Variants in SRPRB observed in about 807,000 individuals in gnomAD.
SRPRB encodes the protein signal recognition particle receptor subunit beta.
A neutral mutation model predicts 31.9 loss-of-function variants in SRPRB; 20 were observed. That is an observed-to-expected ratio of 0.63 (90% CI 0.44 to 0.91). SRPRB has a LOEUF of 0.91. Among genes scored for constraint, SRPRB ranks in the 40% least tolerant of loss-of-function variants. The pLI, the probability that SRPRB is intolerant of heterozygous loss-of-function variation, is 0.00. For synonymous variants in SRPRB, 146 were observed against 132.8 expected, an observed-to-expected ratio of 1.10 and a Z score of -0.68; for missense variants, 321 against 324.9, an observed-to-expected ratio of 0.99 and a Z score of 0.09.
At chr3:133,818,785 A>AGTGTGTGTGTGTGTGTGT (rs146467727) in intron 6 of SRPRB, among the ~76,000 whole-genome samples, 10 of 144,208 alleles carry the variant, frequency 6.9e-5, no homozygotes, top group South Asian at 4.6e-4. Context: ...ATACTTTTAC[A>AGTGTGTGTGTGTGTGTGT]GTGTGTGTGT....
chr3:133,805,951 C>G lies in SRPRB; in HGVS notation c.103C>G (p.Pro35Ala), dbSNP rs372155106. 14 of 1,613,728 alleles carry G rather than the reference C, an allele frequency of 8.7e-6. No homozygotes were observed. Among genetic ancestry groups the G allele is most frequent in the Non-Finnish European group, 1.2e-5 (14 of 1,179,828 alleles). Residue 35 changes from proline to alanine, a missense_variant, in exon 1 of 7, where the codon CCA becomes GCA. By Grantham distance (27) the Pro-to-Ala change is conservative. Coordinates refer to ENST00000678299, the MANE Select transcript of SRPRB (RefSeq NM_001379313.1). ...TLRQELQQTD[P>A]TLLSVVVAVL... ...GCGGCAGGAGCTGCAGCAGACGGACCCAACGCTGTTGTCAGTAGTGGTGGC... is the reference window on the plus strand; with the variant it reads ...GCGGCAGGAGCTGCAGCAGACGGACGCAACGCTGTTGTCAGTAGTGGTGGC...
chr3:133,812,313 A>G (rs917990261), intron 4 of SRPRB, among the ~76,000 whole-genome samples: 6 of 152,226 alleles, frequency 3.9e-5, no homozygotes, highest in Non-Finnish European at 7.3e-5. Flanking sequence ...GTGATGAACA[A>G]TTTGTCACAG....
chr3:133,806,565 T>G, intron 1 of SRPRB, 44 bp from the exon 2 acceptor site: 1 of 1,520,258 alleles, frequency 6.6e-7, no homozygotes, highest in Admixed American at 1.7e-5. Flanking sequence ...ATATACTGAT[T>G]CCCAAGGCGT....
Position 133,819,585 on chromosome 3 carries a change from C to T in SRPRB, c.635C>T (p.Pro212Leu), listed in dbSNP as rs1233768435. 1 of 1,614,082 alleles carries T rather than the reference C, an allele frequency of 6.2e-7. No individual in the cohort carries two copies. Among genetic ancestry groups the T allele is most frequent in the African/African-American group, 1.3e-5 (1 of 74,936 alleles). ...TTACGAGTTACCCGTTCTGCTGCCCCCAGCACACTGGACAGTTCCAGCACT... is the reference window on the plus strand; with the variant it reads ...TTACGAGTTACCCGTTCTGCTGCCCTCAGCACACTGGACAGTTCCAGCACT... The part of the protein sequence containing the change: ...NTLRVTRSAA[P>L]STLDSSSTAP... The change falls in exon 7 of 7, where the codon CCC becomes CTC. Residue 212 changes from proline (P) to leucine (L), a missense_variant. By Grantham distance (98) the Pro-to-Leu change is moderately conservative. Coordinates refer to ENST00000678299, the MANE Select transcript of SRPRB (RefSeq NM_001379313.1).
chr3:133,810,987 T>TAGA, intron 3 of SRPRB, 130 bp from the exon 4 acceptor site: 1 of 851,494 alleles, frequency 1.2e-6, no homozygotes, highest in Non-Finnish European at 1.8e-6. Context: ...GTTTTATGAG[T>TAGA]AGAAGATGCT....
In SRPRB at chr3:133,820,146, G is replaced by C; in HGVS notation, c.*380G>C. The C allele has an allele frequency of 5.0e-6, 1 of 199,310 alleles. No individual in the cohort carries two copies. The highest frequency in any genetic ancestry group is 1.0e-5 in the Non-Finnish European group (1 of 95,536). 12.3% of individuals were successfully genotyped at this position (199,310 alleles called of 1,614,324 possible). ...GCTTTTGGTCCCTGGAAACAAATCCGCCTATGTATGAAGCTAGTTGATTTC... is the reference window on the plus strand; with the variant it reads ...GCTTTTGGTCCCTGGAAACAAATCCCCCTATGTATGAAGCTAGTTGATTTC... On this transcript the variant is annotated 3_prime_UTR_variant, in exon 7 of 7. Coordinates refer to ENST00000678299, the MANE Select transcript of SRPRB (RefSeq NM_001379313.1).
At chr3:133,803,785 T>C (rs1935097856), upstream of SRPRB, among the ~76,000 whole-genome samples, 2 of 151,404 alleles carry the variant, frequency 1.3e-5, no homozygotes, top group African/African-American at 4.9e-5. Context: ...TGCCTCAGTC[T>C]CCCAAGTAGC....
chr3:133,800,805 A>C, intron 1 of SRPRB, among the ~76,000 whole-genome samples: 1 of 152,212 alleles, frequency 6.6e-6, no homozygotes, highest in African/African-American at 2.4e-5. Context: ...TTCATTCAAC[A>C]GTTGACCAGT....
At chr3:133,818,651 A>C (rs567643929) in intron 6 of SRPRB, among the ~76,000 whole-genome samples, 1 of 152,316 alleles carries the variant, frequency 6.6e-6, no homozygotes, top group Admixed American at 6.5e-5. Flanking sequence ...ACATGCATTA[A>C]GCTTAAAAAA....
Position 133,819,636 on chromosome 3 carries a change from G to A in SRPRB, c.686G>A (p.Gly229Asp). The stretch of plus-strand genomic sequence containing the variant: ...GCCCCTGCTCAGCTGGGGAAGAAAG[G>A]CAAAGAGTTTGAATTCTCACAGTTG... ...STAPAQLGKK[G>D]KEFEFSQLPL... is the part of the protein sequence containing the mutation. Residue 229 changes from glycine to aspartate, a missense_variant, in exon 7 of 7, where the codon GGC becomes GAC. Physicochemically the swap from Gly to Asp is moderately conservative, Grantham distance 94. Coordinates refer to ENST00000678299, the MANE Select transcript of SRPRB (RefSeq NM_001379313.1). 1 of 1,614,204 alleles carries A rather than the reference G, an allele frequency of 6.2e-7. No individual in the cohort carries two copies. The highest frequency in any genetic ancestry group is 8.5e-7 in the Non-Finnish European group (1 of 1,180,040).
At chr3:133,799,611 G>C (rs1935033102) in intron 1 of SRPRB, among the ~76,000 whole-genome samples, 1 of 151,994 alleles carries the variant, frequency 6.6e-6, no homozygotes, top group Non-Finnish European at 1.5e-5. Flanking sequence ...CTTTTTTCAA[G>C]TGGCTCTCGG....
At chr3:133,793,600 T>A (rs1053465041) in intron 1 of SRPRB, 9 of 152,320 alleles carry the variant, frequency 5.9e-5, no homozygotes, top group Non-Finnish European at 1.2e-4. Flanking sequence ...TCTGAGTATA[T>A]GCTATCAATC....
At chr3:133,804,390 T>C (rs375910377), upstream of SRPRB, among the ~76,000 whole-genome samples, 9 of 152,090 alleles carry the variant, frequency 5.9e-5, no homozygotes, top group African/African-American at 2.2e-4. Context: ...GGCATTGCAA[T>C]GGGACTACGC....
chr3:133,816,448 C>G (rs1935368741), intron 5 of SRPRB, among the ~76,000 whole-genome samples: 1 of 152,162 alleles, frequency 6.6e-6, no homozygotes, highest in South Asian at 2.1e-4. Flanking sequence ...ACACTTAATG[C>G]TTTAAACATA....
intron 5 of SRPRB, 151 bp from the exon 6 acceptor site, chr3:133,816,727 T>C: frequency 1.8e-6 from 1 of 542,932 alleles, no homozygotes; most frequent in South Asian, 3.0e-5. Context: ...AAAGCTTACT[T>C]TGATAGAGAA....
At chr3:133,823,636 C>T (rs535600905), downstream of SRPRB, among the ~76,000 whole-genome samples, 1 of 152,296 alleles carries the variant, frequency 6.6e-6, no homozygotes, top group East Asian at 1.9e-4. Flanking sequence ...TTTACCTAAT[C>T]TTGGCCTTTG....
At chr3:133,795,483 A>G (rs1379230585) in intron 1 of SRPRB, 4 of 152,110 alleles carry the variant, frequency 2.6e-5, no homozygotes, top group Non-Finnish European at 5.9e-5. Context: ...AAAAGCCCAA[A>G]GTGTTGGTAA....
chr3:133,816,067 G>A (rs764930932), intron 5 of SRPRB, among the ~76,000 whole-genome samples: 14 of 152,180 alleles, frequency 9.2e-5, no homozygotes, highest in Non-Finnish European at 2.1e-4. Flanking sequence ...TGGAGTTTCT[G>A]CTTTCAAACA....
At chr3:133,801,761 G>A (rs370268963), upstream of SRPRB, among the ~76,000 whole-genome samples, 3 of 152,160 alleles carry the variant, frequency 2.0e-5, no homozygotes, top group African/African-American at 7.2e-5. Flanking sequence ...ACAGAGCAGC[G>A]GTTAGGACCA....
Sources: allele counts gnomAD v4.1 joint callset (sites outside exome capture counted in the v4.1 genomes callset), GRCh38; gene constraint gnomAD v4.1.1; transcripts MANE v1.5; gene names NCBI Gene and HGNC (gene_info 2026-07-23, HGNC 2026-07-21).